Variants in MIPEP observed in about 807,000 individuals in gnomAD.
MIPEP encodes the protein mitochondrial intermediate peptidase.
Under a neutral mutation model 90.3 loss-of-function variants are expected in MIPEP, and 79 were observed. The observed-to-expected ratio is 0.87, with a 90% CI of 0.73 to 1.05. The LOEUF is 1.05. Ranked by LOEUF, MIPEP falls within the 50% of genes least tolerant of loss-of-function variation. MIPEP has a pLI of 0.00. For synonymous variants in MIPEP, 334 were observed against 315.8 expected, an observed-to-expected ratio of 1.06 and a Z score of -0.61; for missense variants, 940 against 905.6, an observed-to-expected ratio of 1.04 and a Z score of -0.49.
At chr13:23,865,965 C>T (rs1016002391) in intron 7 of MIPEP, among the ~76,000 whole-genome samples, 2 of 152,128 alleles carry the variant, frequency 1.3e-5, no homozygotes, top group African/African-American at 4.8e-5. Context: ...GACACCACAT[C>T]TGGCCTGCCT....
intron 18 of MIPEP, among the ~76,000 whole-genome samples, chr13:23,737,120 CTT>C (rs1469033443): frequency 6.6e-6 from 1 of 152,252 alleles, no homozygotes; most frequent in Non-Finnish European, 1.5e-5. Context: ...TTGTACCCAA[CTT>C]ACACGGCTTC....
At chr13:23,758,306 C>T (rs894473349) in intron 17 of MIPEP, among the ~76,000 whole-genome samples, 2 of 152,160 alleles carry the variant, frequency 1.3e-5, no homozygotes, top group Admixed American at 1.3e-4. Flanking sequence ...AGGCTCCAGC[C>T]TGGTTATTTC....
intron 16 of MIPEP, among the ~76,000 whole-genome samples, chr13:23,776,538 T>C (rs1335195320): frequency 1.3e-5 from 2 of 152,226 alleles, no homozygotes; most frequent in Non-Finnish European, 2.9e-5. Flanking sequence ...CACACTGTCT[T>C]GTACATGTAT....
At chr13:23,867,613 T>G (rs995424368) in intron 7 of MIPEP, among the ~76,000 whole-genome samples, 1 of 152,248 alleles carries the variant, frequency 6.6e-6, no homozygotes, top group Non-Finnish European at 1.5e-5. Context: ...AATTTTCTTC[T>G]GCTTTGTACA....
intron 18 of MIPEP, among the ~76,000 whole-genome samples, chr13:23,736,697 T>G (rs560163785): frequency 1.3e-5 from 2 of 152,148 alleles, no homozygotes; most frequent in African/African-American, 4.8e-5. Context: ...GCAGGAGGAC[T>G]TGACCTGCAG....
At chr13:23,753,930 T>C (rs1392732504) in intron 18 of MIPEP, among the ~76,000 whole-genome samples, 1 of 152,172 alleles carries the variant, frequency 6.6e-6, no homozygotes, top group Non-Finnish European at 1.5e-5. Flanking sequence ...AGAAACACAG[T>C]CTTATAACTA....
intron 7 of MIPEP, among the ~76,000 whole-genome samples, chr13:23,868,226 G>A (rs9507182): frequency 0.41 from 61,880 of 151,880 alleles, 12,828 homozygotes; most frequent in East Asian, 0.46. Flanking sequence ...CTAAAAAAAC[G>A]GGGTAAGATT....
chr13:23,843,833 TGGAGGGTGATGAGAA>T (rs1869413838), intron 10 of MIPEP, among the ~76,000 whole-genome samples: 2 of 152,286 alleles, frequency 1.3e-5, no homozygotes, highest in South Asian at 2.1e-4. Context: ...TGATTGGATT[TGGAGGGTGATGAGAA>T]AGACAGAACA....
chr13:23,884,835 G>C (rs1459419716), intron 2 of MIPEP, among the ~76,000 whole-genome samples: 1 of 152,176 alleles, frequency 6.6e-6, no homozygotes, highest in Non-Finnish European at 1.5e-5. Flanking sequence ...TGAATGTGAG[G>C]GAAAAACCTA....
chr13:23,808,097 T>G (rs568228891), intron 15 of MIPEP, among the ~76,000 whole-genome samples: 180 of 150,556 alleles, frequency 1.2e-3, no homozygotes, highest in Non-Finnish European at 1.5e-3. Context: ...AAAACAGTGT[T>G]TTTTTTTTGT....
intron 10 of MIPEP, among the ~76,000 whole-genome samples, chr13:23,853,421 C>T (rs991974280): frequency 2.0e-5 from 3 of 152,118 alleles, no homozygotes; most frequent in Admixed American, 6.5e-5. Context: ...CTACAGTTTT[C>T]AGTATGGTAA....
At chr13:23,778,425 TG>T (rs1421955781) in intron 16 of MIPEP, among the ~76,000 whole-genome samples, 2 of 152,160 alleles carry the variant, frequency 1.3e-5, no homozygotes, top group African/African-American at 4.8e-5. Flanking sequence ...GGAAGGCTGT[TG>T]GGGGCACGAA....
At chr13:23,822,335 A>C (rs1305529456) in intron 14 of MIPEP, among the ~76,000 whole-genome samples, 2 of 152,216 alleles carry the variant, frequency 1.3e-5, no homozygotes, top group African/African-American at 4.8e-5. Context: ...ATAACAAGAC[A>C]ATGCAGCCTG....
rs145502604 is a variant in MIPEP, at chr13:23,841,433, C to A, written c.1162G>T (p.Glu388Ter). The stretch of plus-strand genomic sequence containing the variant: ...CTGTTAAGCAAAATATTCAGGCCTT[C>A]CATGCATGCTCCAAGAGAGAAAAAC... Reference protein sequence around the residue: ...CPFFSLGACMEGLNILLNRLL... With the variant: ...CPFFSLGACM The change falls in exon 11 of 19, where the codon GAA becomes TAA. Residue 388 changes from glutamate to a stop codon, truncating the protein, a stop_gained. Coordinates refer to ENST00000382172, the MANE Select transcript of MIPEP (RefSeq NM_005932.4). LOFTEE classifies it high-confidence loss of function. The A allele has an allele frequency of 1.2e-6, 2 of 1,614,128 alleles. No individual in the cohort carries two copies. Among genetic ancestry groups the A allele is most frequent in the Admixed American group, 1.7e-5 (1 of 60,010 alleles).
intron 14 of MIPEP, among the ~76,000 whole-genome samples, chr13:23,835,909 C>T (rs986425874): frequency 1.3e-5 from 2 of 152,192 alleles, no homozygotes; most frequent in African/African-American, 2.4e-5. Flanking sequence ...GAGACAGGCT[C>T]GAATGCCTAT....
At chr13:23,796,654 T>A (rs1952966186) in intron 16 of MIPEP, among the ~76,000 whole-genome samples, 1 of 152,088 alleles carries the variant, frequency 6.6e-6, no homozygotes, top group African/African-American at 2.4e-5. Flanking sequence ...CACTCTTCCA[T>A]TATATTGATT....
rs370081483 is a variant in MIPEP, at chr13:23,849,282, G to A, written c.1107-7794C>T. Among the ~76,000 whole-genome samples the A allele has an allele frequency of 1.1e-4, 17 of 152,358 alleles. No individual in the cohort carries two copies. In the East Asian group the frequency reaches 2.9e-3, roughly 26 times the overall value. Reference sequence around the variant, plus strand: ...GGAAAGCACCATGGGCAGCATATAGGACCTCACAGCACAGCAGAGCCACAA... The same window carrying A: ...GGAAAGCACCATGGGCAGCATATAGAACCTCACAGCACAGCAGAGCCACAA... On this transcript the variant is annotated intron_variant, in intron 10 of 18. Transcript: ENST00000382172.
At chr13:23,733,525 G>A (rs1172993007) in intron 18 of MIPEP, among the ~76,000 whole-genome samples, 2 of 152,194 alleles carry the variant, frequency 1.3e-5, no homozygotes, top group African/African-American at 4.8e-5. Flanking sequence ...TGAGGTGGAA[G>A]GGGACACTCC....
intron 14 of MIPEP, among the ~76,000 whole-genome samples, chr13:23,828,240 C>T (rs983876272): frequency 8.5e-5 from 13 of 152,178 alleles, no homozygotes; most frequent in African/African-American, 2.4e-4. Context: ...TTTACGGTGA[C>T]GTATTAAAAA....
Sources: allele counts gnomAD v4.1 joint callset (sites outside exome capture counted in the v4.1 genomes callset), GRCh38; gene constraint gnomAD v4.1.1; transcripts MANE v1.5; gene names NCBI Gene and HGNC (gene_info 2026-07-23, HGNC 2026-07-21).